The following ATP2B2 variants were observed in gnomAD, a reference collection of about 807,000 sequenced individuals.
The protein encoded by ATP2B2 is ATPase plasma membrane Ca2+ transporting 2.
A neutral mutation model predicts 120.0 loss-of-function variants in ATP2B2; 15 were observed. That is an observed-to-expected ratio of 0.12 (90% CI 0.08 to 0.19). The LOEUF is 0.19. ATP2B2 is among the 10% of genes least tolerant of loss of function. The pLI, the probability that ATP2B2 is intolerant of heterozygous loss-of-function variation, is 1.00. For synonymous variants in ATP2B2, 694 were observed against 700.3 expected, an observed-to-expected ratio of 0.99 and a Z score of 0.14; for missense variants, 1,045 against 1,719.8, an observed-to-expected ratio of 0.61 and a Z score of 6.94.
chr3:10,634,679 C>A (rs1559497887), intron 1 of ATP2B2, among the ~76,000 whole-genome samples: 1 of 152,206 alleles, frequency 6.6e-6, no homozygotes, highest in Non-Finnish European at 1.5e-5. Flanking sequence ...TTGAGTCAGT[C>A]CCCTGCCTCC....
rs560614021 is a variant in ATP2B2 at position 10,343,479 on chromosome 3, T to C, written c.2704-514A>G. On this transcript the variant is annotated intron_variant, in intron 18 of 22. Transcript: ENST00000360273. The surrounding 1 kb of genome is among the most constrained non-coding windows in gnomAD (Gnocchi z 4.2). ...TGCGTATCTATGACTCAAAAATTAATACATTTCAAGGTAGGAAATATGGCA... is the reference window on the plus strand; with the variant it reads ...TGCGTATCTATGACTCAAAAATTAACACATTTCAAGGTAGGAAATATGGCA... Among the ~76,000 whole-genome samples the C allele has an allele frequency of 2.2e-5, 1 of 46,320 alleles. No individual in the cohort carries two copies. The highest frequency in any genetic ancestry group is 9.7e-5 in the African/African-American group (1 of 10,266). The allele number at this position is 46,320 out of a possible 152,430, so 30.4% of individuals were successfully genotyped here. A position where few individuals can be genotyped will look rare whatever the true frequency, so the allele number is the denominator to read the frequency against.
chr3:10,500,424 T>C (rs1052207432), intron 1 of ATP2B2, among the ~76,000 whole-genome samples: 1 of 152,144 alleles, frequency 6.6e-6, no homozygotes, highest in Non-Finnish European at 1.5e-5. Flanking sequence ...CCTCAGAATG[T>C]GACCTTGTTT....
chr3:10,350,147 C>T lies in ATP2B2; in HGVS notation c.2369G>A (p.Arg790His), dbSNP rs1280783124. 6.2e-7 allele frequency: 1 copy of T among 1,612,412 alleles called. No homozygotes were observed. The highest frequency in any genetic ancestry group is 8.5e-7 in the Non-Finnish European group (1 of 1,179,744). Residue 790 changes from arginine to histidine, a missense_variant, in exon 16 of 23, where the codon CGC (arginine) becomes CAC (histidine). By Grantham distance (29) the Arg-to-His change is conservative. Coordinates refer to ENST00000360273, the MANE Select transcript of ATP2B2 (RefSeq NM_001001331.4). ...GGTATGCTTGTCCGTTGGGGAGGAGCGAGCCAGCACCCGCAGCTTTGGCCA... is the reference window on the plus strand; with the variant it reads ...GGTATGCTTGTCCGTTGGGGAGGAGTGAGCCAGCACCCGCAGCTTTGGCCA... ...KIWPKLRVLA[R>H]SSPTDKHTLV...
intron 2 of ATP2B2, among the ~76,000 whole-genome samples, chr3:10,440,581 C>A (rs983979496): frequency 6.6e-6 from 1 of 152,214 alleles, no homozygotes; most frequent in Non-Finnish European, 1.5e-5. Context: ...TTTGCTCACG[C>A]CCCATTAACT....
At chr3:10,707,584 C>T (rs1408730304) in intron 1 of ATP2B2, among the ~76,000 whole-genome samples, 2 of 152,104 alleles carry the variant, frequency 1.3e-5, no homozygotes, top group African/African-American at 4.8e-5. Flanking sequence ...GGACGCCCCC[C>T]CAGCTCCGGG....
At chr3:10,483,299 G>A (rs2065489724) in intron 1 of ATP2B2, among the ~76,000 whole-genome samples, 1 of 152,228 alleles carries the variant, frequency 6.6e-6, no homozygotes, top group Non-Finnish European at 1.5e-5. Flanking sequence ...GTAGGTCCCA[G>A]GGCAGGGAGG....
intron 2 of ATP2B2, among the ~76,000 whole-genome samples, chr3:10,550,543 A>G (rs1336515823): frequency 2.0e-5 from 3 of 152,164 alleles, no homozygotes; most frequent in Non-Finnish European, 2.9e-5. Flanking sequence ...TGCCCTCTGA[A>G]GTACAGCTGC....
chr3:10,446,729 C>T lies in ATP2B2; in HGVS notation c.199+2616G>A, dbSNP rs114653268. On this transcript the variant is annotated intron_variant, in intron 2 of 22. Transcript: ENST00000360273. Reference sequence around the variant, plus strand: ...TGCAGGAAATCCTATGATGGGCTTCCCTTCTCCTCAGAGATCTTGGCCATC... The same window carrying T: ...TGCAGGAAATCCTATGATGGGCTTCTCTTCTCCTCAGAGATCTTGGCCATC... 4.3e-3 allele frequency among the ~76,000 whole-genome samples: 651 copies of T among 152,288 alleles called. 6 individuals carry two copies. The highest frequency in any genetic ancestry group is 0.015 in the African/African-American group (611 of 41,550).
chr3:10,389,883 T>G (rs1216077497), intron 5 of ATP2B2, among the ~76,000 whole-genome samples: 1 of 152,190 alleles, frequency 6.6e-6, no homozygotes, highest in Non-Finnish European at 1.5e-5. Flanking sequence ...GTCTGGGAAG[T>G]AGACAGCAGC....
chr3:10,428,852 G>T (rs2063221946), intron 2 of ATP2B2, among the ~76,000 whole-genome samples: 1 of 152,218 alleles, frequency 6.6e-6, no homozygotes, highest in Non-Finnish European at 1.5e-5. Context: ...AAGCGGACTT[G>T]TCACAGCCTC....
chr3:10,421,072 C>T (rs973841847), intron 2 of ATP2B2, among the ~76,000 whole-genome samples: 1 of 152,186 alleles, frequency 6.6e-6, no homozygotes, highest in Non-Finnish European at 1.5e-5. Context: ...TACTGAGTCA[C>T]ACACTCTTGG....
intron 2 of ATP2B2, among the ~76,000 whole-genome samples, chr3:10,417,276 G>A (rs1436300062): frequency 6.6e-6 from 1 of 151,730 alleles, no homozygotes; most frequent in Non-Finnish European, 1.5e-5. Flanking sequence ...GAGTGTGGGG[G>A]CCGAGCAGAG....
intron 2 of ATP2B2, among the ~76,000 whole-genome samples, chr3:10,547,288 C>CGAG (rs2067568513): frequency 6.6e-6 from 1 of 152,172 alleles, no homozygotes; most frequent in Admixed American, 6.5e-5. Context: ...GTCCTCTCTC[C>CGAG]TCTTTAGGTC....
At chr3:10,474,352 T>G (rs1339628708) in intron 1 of ATP2B2, among the ~76,000 whole-genome samples, 1 of 152,144 alleles carries the variant, frequency 6.6e-6, no homozygotes, top group Non-Finnish European at 1.5e-5. Context: ...GTTGGATGCA[T>G]GAGTTGGGAG....
At chr3:10,546,482 C>T (rs1188817156) in intron 2 of ATP2B2, among the ~76,000 whole-genome samples, 1 of 152,214 alleles carries the variant, frequency 6.6e-6, no homozygotes, top group Non-Finnish European at 1.5e-5. Context: ...CAGGACTTTG[C>T]CTGGTCCCGC....
chr3:10,440,860 T>G (rs759195772), intron 2 of ATP2B2, among the ~76,000 whole-genome samples: 1 of 152,240 alleles, frequency 6.6e-6, no homozygotes, highest in African/African-American at 2.4e-5. Context: ...TGAGCCTCAA[T>G]TTCCTCATCT....
At chr3:10,420,882 C>T (rs1397798358) in intron 2 of ATP2B2, among the ~76,000 whole-genome samples, 3 of 152,200 alleles carry the variant, frequency 2.0e-5, no homozygotes, top group Non-Finnish European at 2.9e-5. Flanking sequence ...TGCCTAAGCC[C>T]CAAACTAGAG....
intron 21 of ATP2B2, among the ~76,000 whole-genome samples, 168 bp from the exon 22 acceptor site, chr3:10,338,526 CTT>C (rs34558372): frequency 3.6e-4 from 32 of 88,478 alleles, no homozygotes; most frequent in African/African-American, 1.5e-3. Flanking sequence ...TTGACAATGT[CTT>C]TTTTTTTTTT....
At chr3:10,494,732 A>G (rs1364208727) in intron 1 of ATP2B2, among the ~76,000 whole-genome samples, 1 of 152,156 alleles carries the variant, frequency 6.6e-6, no homozygotes, top group Non-Finnish European at 1.5e-5. Flanking sequence ...GTGTAATAAG[A>G]ATGTCTCCTT....
Sources: allele counts gnomAD v4.1 joint callset (sites outside exome capture counted in the v4.1 genomes callset), GRCh38; gene constraint gnomAD v4.1.1; non-coding constraint Gnocchi (gnomAD v3.1); transcripts MANE v1.5; gene names NCBI Gene and HGNC (gene_info 2026-07-23, HGNC 2026-07-21).